The following DLGAP1 variants were observed in gnomAD, a reference collection of about 807,000 sequenced individuals.
DLGAP1 encodes DLG associated protein 1, also known as disks large-associated protein 1.
In DLGAP1, 11 loss-of-function variants were observed where a neutral mutation model predicts 90.8. That is an observed-to-expected ratio of 0.12 (90% CI 0.08 to 0.20). The LOEUF is 0.20. Among genes scored for constraint, DLGAP1 ranks in the 10% least tolerant of loss-of-function variants. The pLI, the probability that DLGAP1 is intolerant of heterozygous loss-of-function variation, is 1.00. For synonymous variants in DLGAP1, 558 were observed against 540.7 expected, an observed-to-expected ratio of 1.03 and a Z score of -0.44; for missense variants, 1,050 against 1,333.8, an observed-to-expected ratio of 0.79 and a Z score of 3.31.
At chr18:4,198,643 A>C (rs1026058681) in intron 1 of DLGAP1, among the ~76,000 whole-genome samples, 7 of 152,206 alleles carry the variant, frequency 4.6e-5, no homozygotes, top group Non-Finnish European at 8.8e-5. Flanking sequence ...CAAGAATGTC[A>C]GTAAATTGCA....
At chr18:3,703,963 C>T (rs913352359) in intron 7 of DLGAP1, among the ~76,000 whole-genome samples, 1 of 152,190 alleles carries the variant, frequency 6.6e-6, no homozygotes, top group African/African-American at 2.4e-5. Flanking sequence ...CCCAGAGCAG[C>T]AGTCATGGCT....
At chr18:4,401,233 A>T (rs935007655) in intron 1 of DLGAP1, among the ~76,000 whole-genome samples, 3 of 152,200 alleles carry the variant, frequency 2.0e-5, no homozygotes, top group Non-Finnish European at 4.4e-5. Context: ...CCTTTGTCAA[A>T]ACGGGTTCTA....
intron 4 of DLGAP1, among the ~76,000 whole-genome samples, chr18:3,840,925 G>A (rs899179300): frequency 1.1e-4 from 16 of 152,280 alleles, no homozygotes; most frequent in Admixed American, 3.9e-4. Context: ...GACTGTGTGC[G>A]TCTGTGTTCT....
At chr18:4,206,358 T>G (rs1046762889) in intron 1 of DLGAP1, among the ~76,000 whole-genome samples, 1 of 152,086 alleles carries the variant, frequency 6.6e-6, no homozygotes, top group Non-Finnish European at 1.5e-5. Context: ...CAAAAATGAC[T>G]GAGTCTGGGT....
intron 5 of DLGAP1, among the ~76,000 whole-genome samples, chr18:3,788,355 T>C (rs1306673409): frequency 2.6e-5 from 4 of 152,152 alleles, no homozygotes; most frequent in Admixed American, 2.0e-4. Context: ...AGCTAGATGT[T>C]TTTGCCTCAT....
At chr18:3,693,885 T>A (rs1241727424) in intron 7 of DLGAP1, among the ~76,000 whole-genome samples, 1 of 151,854 alleles carries the variant, frequency 6.6e-6, no homozygotes, top group Non-Finnish European at 1.5e-5. Context: ...ATGATGGCAT[T>A]TTTTTTTATT....
At chr18:3,721,676 G>A (rs1171369865) in intron 7 of DLGAP1, 2 of 152,036 alleles carry the variant, frequency 1.3e-5, no homozygotes, top group Non-Finnish European at 2.9e-5. Context: ...GCATATTTGC[G>A]AGAGGAAAGA....
At chr18:4,173,065 T>C (rs1374057331) in intron 1 of DLGAP1, among the ~76,000 whole-genome samples, 2 of 152,324 alleles carry the variant, frequency 1.3e-5, no homozygotes, top group Non-Finnish European at 2.9e-5. Flanking sequence ...AGAGAAAGAT[T>C]TACTGGTTAG....
At chr18:3,634,534 G>A (rs555093596) in intron 7 of DLGAP1, among the ~76,000 whole-genome samples, 143 of 152,200 alleles carry the variant, frequency 9.4e-4, no homozygotes, top group Non-Finnish European at 1.6e-3. Context: ...TATGTGTAAT[G>A]CCCTGACATT....
At chr18:4,118,681 T>A (rs898103927) in intron 2 of DLGAP1, among the ~76,000 whole-genome samples, 7 of 139,962 alleles carry the variant, frequency 5.0e-5, no homozygotes, top group African/African-American at 1.3e-4. Context: ...GTGGGAAGAG[T>A]CTCATTTTCT....
chr18:3,960,524 T>G (rs2073176024), intron 3 of DLGAP1, among the ~76,000 whole-genome samples: 1 of 152,146 alleles, frequency 6.6e-6, no homozygotes, highest in African/African-American at 2.4e-5. Context: ...ATTGTGCCAC[T>G]GCACTCCAGC....
chr18:3,722,258 C>A (rs912040359), intron 7 of DLGAP1: 1 of 152,188 alleles, frequency 6.6e-6, no homozygotes, highest in Non-Finnish European at 1.5e-5. Context: ...GATTTATGTA[C>A]TTCAAAACAA....
intron 5 of DLGAP1, among the ~76,000 whole-genome samples, chr18:3,745,895 G>T (rs1173201668): frequency 5.9e-5 from 9 of 151,968 alleles, no homozygotes; most frequent in African/African-American, 1.7e-4. Context: ...CACCATGTTG[G>T]CCAGGCTGGT....
intron 3 of DLGAP1, among the ~76,000 whole-genome samples, chr18:3,963,873 G>C (rs918293528): frequency 1.3e-5 from 2 of 152,096 alleles, no homozygotes; most frequent in Non-Finnish European, 2.9e-5. Flanking sequence ...CAAAGAAAAA[G>C]GAAGGTAAAG....
intron 1 of DLGAP1, among the ~76,000 whole-genome samples, chr18:4,236,843 T>C (rs2078426729): frequency 6.6e-6 from 1 of 152,192 alleles, no homozygotes; most frequent in South Asian, 2.1e-4. Context: ...GGTCTTCTAT[T>C]CTTATTCCTT....
At chr18:4,394,786 A>G (rs1448685657) in intron 1 of DLGAP1, among the ~76,000 whole-genome samples, 2 of 152,224 alleles carry the variant, frequency 1.3e-5, no homozygotes, top group Admixed American at 6.5e-5. Flanking sequence ...TTATGCCAAT[A>G]GTGATATTTT....
At chr18:4,453,032 TTCTTCTTTACTCACACAAG>T (rs2083873506) in intron 1 of DLGAP1, among the ~76,000 whole-genome samples, 1 of 152,192 alleles carries the variant, frequency 6.6e-6, no homozygotes, top group Non-Finnish European at 1.5e-5. Flanking sequence ...TGCAAGTACA[TTCTTCTTTACTCACACAAG>T]GTAACTAACA....
chr18:3,500,443 C>T (rs1339978959), intron 12 of DLGAP1, among the ~76,000 whole-genome samples: 2 of 152,120 alleles, frequency 1.3e-5, no homozygotes, highest in African/African-American at 2.4e-5. Flanking sequence ...AATATAGTTT[C>T]GGTGATTCTC....
At chr18:4,096,618 T>C (rs574189996) in intron 2 of DLGAP1, among the ~76,000 whole-genome samples, 1 of 152,226 alleles carries the variant, frequency 6.6e-6, no homozygotes, top group Admixed American at 6.5e-5. Context: ...CTTTGGACCC[T>C]CCCAGTTCTT....
Sources: gnomAD v4.1 joint callset for allele counts (sites outside exome capture counted in the v4.1 genomes callset) on GRCh38, gnomAD v4.1.1 for gene constraint, MANE v1.5 for transcripts, NCBI Gene and HGNC (gene_info 2026-07-23, HGNC 2026-07-21) for gene names.